NAPG: variants seen among roughly 807,000 people sequenced by gnomAD.
NAPG encodes NSF attachment protein gamma.
A neutral mutation model predicts 48.4 loss-of-function variants in NAPG; 25 were observed. The observed-to-expected ratio is 0.52, with a 90% CI of 0.38 to 0.72. The LOEUF (loss-of-function observed/expected upper bound fraction) is 0.72. Ranked by LOEUF, NAPG falls within the 30% of genes least tolerant of loss-of-function variation. The probability of loss-of-function intolerance (pLI) is 0.00; values close to 1 mark genes in which losing one functional copy is unlikely to be tolerated. For missense variants in NAPG, 359 were observed against 372.5 expected, an observed-to-expected ratio of 0.96 and a Z score of 0.30; for synonymous variants, 139 against 127.2, an observed-to-expected ratio of 1.09 and a Z score of -0.62.
In NAPG at chr18:10,548,571, C is replaced by A. The variant is rs759636825; in HGVS notation, c.665+193C>A. On this transcript the variant is annotated intron_variant, in intron 10 of 11. Coordinates refer to ENST00000322897, the MANE Select transcript of NAPG (RefSeq NM_003826.3). This position sits in a 1 kb window ranked among gnomAD's most constrained non-coding sequence, Gnocchi z 4.4. ...TTTTTTCCCTTTCCTGTATTTTTCT[C>A]TAGGGGACCTCCATGGAAGTGAATG... Among the ~76,000 whole-genome samples the A allele has an allele frequency of 3.2e-4, 46 of 144,652 alleles. No homozygotes were observed. The highest frequency in any genetic ancestry group is 6.1e-4 in the Non-Finnish European group (41 of 66,826). 94.9% of individuals were successfully genotyped at this position (144,652 alleles called of 152,430 possible).
intron 1 of NAPG, 92 bp downstream of exon 1, chr18:10,526,250 G>GGGC: frequency 1.5e-6 from 1 of 686,662 alleles, no homozygotes; most frequent in Non-Finnish European, 2.5e-6. Context: ...GGGAGGGAGG[G>GGGC]CTCAGGGCTG....
At chr18:10,537,021 A>G (rs764920666) in intron 5 of NAPG, among the ~76,000 whole-genome samples, 32 of 151,800 alleles carry the variant, frequency 2.1e-4, no homozygotes, top group Non-Finnish European at 1.0e-4. Flanking sequence ...CAGTGGCACA[A>G]TCATGGCTTA....
chr18:10,532,177 A>G (rs1430725303), intron 2 of NAPG, among the ~76,000 whole-genome samples: 2 of 152,202 alleles, frequency 1.3e-5, no homozygotes, highest in Non-Finnish European at 2.9e-5. Flanking sequence ...ACAGTGAGAC[A>G]TCTTTTTCAT....
intron 1 of NAPG, chr18:10,526,416 T>C (rs7241196): frequency 0.5 from 254,224 of 507,678 alleles, 67,809 homozygotes; most frequent in African/African-American, 0.82. Flanking sequence ...GGGCGGGGAC[T>C]CGGCGCAGTG....
In NAPG at chr18:10,539,890, A is replaced by G. The variant is rs1388256774; in HGVS notation, c.368+19A>G. 1 of 1,612,902 alleles carries G rather than the reference A, an allele frequency of 6.2e-7. No homozygotes were observed. The highest frequency in any genetic ancestry group is 8.5e-7 in the Non-Finnish European group (1 of 1,178,932). On this transcript the variant is annotated intron_variant, in intron 6 of 11. Transcript: ENST00000322897. The surrounding 1 kb of genome is among the most constrained non-coding windows in gnomAD (Gnocchi z 4.7). ...CTGGAAAGTGAGTGTGAGATGGACA[A>G]GTCTCTGCATAGAAGTCTTGTCTTT...
Position 10,546,296 on chromosome 18 carries a change from C to CT in NAPG, c.507-23dup, listed in dbSNP as rs111429422. ...CTCTGCTATAGATCATTTAGACCTG[C>CT]TTTTTTTACATTTCTGTGTTTTGTT... On this transcript the variant is annotated intron_variant, in intron 8 of 11. Transcript: ENST00000322897. The surrounding 1 kb of genome is among the most constrained non-coding windows in gnomAD (Gnocchi z 4.0). 8 of 1,466,068 alleles carry CT rather than the reference C, an allele frequency of 5.5e-6. No homozygotes were observed. Among genetic ancestry groups the CT allele is most frequent in the Admixed American group, 2.0e-5 (1 of 49,604 alleles). 90.8% of individuals were successfully genotyped at this position (1,466,068 alleles called of 1,614,324 possible).
chr18:10,527,329 CAG>C (rs1172799414), intron 1 of NAPG, among the ~76,000 whole-genome samples: 1 of 152,094 alleles, frequency 6.6e-6, no homozygotes, highest in Non-Finnish European at 1.5e-5. Flanking sequence ...AAATGAGACT[CAG>C]GGAAGCCTCA....
chr18:10,531,179 A>G (rs74669942), intron 2 of NAPG, among the ~76,000 whole-genome samples: 3,874 of 152,164 alleles, frequency 0.025, 168 homozygotes, highest in African/African-American at 0.088. Context: ...TATACTTTCT[A>G]TTGAATTAGG....
At chr18:10,526,568 A>G (rs1264915457) in intron 1 of NAPG, 2 of 187,296 alleles carry the variant, frequency 1.1e-5, no homozygotes, top group Non-Finnish European at 2.2e-5. Context: ...ATTTGTGGCA[A>G]CCCAAAATGT....
At chr18:10,530,583 G>A (rs75278811) in intron 1 of NAPG, among the ~76,000 whole-genome samples, 187 bp from the exon 2 acceptor site, 1 of 151,994 alleles carries the variant, frequency 6.6e-6, no homozygotes, top group Non-Finnish European at 1.5e-5. Flanking sequence ...TGTGACAGTG[G>A]GAGTGAAAGA....
intron 1 of NAPG, among the ~76,000 whole-genome samples, chr18:10,529,923 A>G (rs558579172): frequency 1.3e-5 from 2 of 152,318 alleles, no homozygotes; most frequent in African/African-American, 4.8e-5. Flanking sequence ...ATTGAATGAC[A>G]TTTAGAATTT....
Position 10,543,128 on chromosome 18 carries a change from C to A in NAPG, c.506+2729C>A, listed in dbSNP as rs1399467047. Among the ~76,000 whole-genome samples the A allele has an allele frequency of 4.0e-5, 6 of 149,476 alleles. No homozygotes were observed. Among genetic ancestry groups the A allele is most frequent in the Non-Finnish European group, 7.4e-5 (5 of 67,386 alleles). ...AGGAGGCACAGGTTGCAGTGAGACTCCCATCTCAAAAAAAAAAAAAAAGAA... is the reference window on the plus strand; with the variant it reads ...AGGAGGCACAGGTTGCAGTGAGACTACCATCTCAAAAAAAAAAAAAAAGAA... On this transcript the variant is annotated intron_variant, in intron 8 of 11. Transcript: ENST00000322897. The surrounding 1 kb of genome is among the most constrained non-coding windows in gnomAD (Gnocchi z 4.4).
rs565836157 is a variant in NAPG at position 10,536,260 on chromosome 18, G to A, written c.258+1764G>A. On this transcript the variant is annotated intron_variant, in intron 5 of 11. Coordinates refer to ENST00000322897, the MANE Select transcript of NAPG (RefSeq NM_003826.3). ...ATGAAGGAAAATGCTTTCTGGCATT[G>A]TCTTATATTTAAATTAAATGCCTTT... Among the ~76,000 whole-genome samples, 3 of 152,316 alleles carry A rather than the reference G, an allele frequency of 2.0e-5. No individual in the cohort carries two copies. The South Asian group carries it at 6.2e-4, about 32-fold the overall frequency.
chr18:10,535,386 T>C (rs1254663442), intron 5 of NAPG, among the ~76,000 whole-genome samples: 1 of 152,184 alleles, frequency 6.6e-6, no homozygotes, highest in Non-Finnish European at 1.5e-5. Flanking sequence ...ATTCTGTGAG[T>C]CTATCATCGA....
At chr18:10,533,421 T>C in intron 3 of NAPG, 115 bp from the exon 4 acceptor site, 1 of 819,344 alleles carries the variant, frequency 1.2e-6, no homozygotes, top group East Asian at 2.8e-5. Flanking sequence ...GTAGGATTTG[T>C]CTTTTGGAAC....
intron 4 of NAPG, among the ~76,000 whole-genome samples, chr18:10,533,937 G>A (rs781267252): frequency 6.6e-6 from 1 of 152,134 alleles, no homozygotes; most frequent in Non-Finnish European, 1.5e-5. Context: ...TTGAGGTCAG[G>A]AGTTCAAGAC....
At chr18:10,533,758 C>T (rs1159848531) in intron 4 of NAPG, among the ~76,000 whole-genome samples, 1 of 151,976 alleles carries the variant, frequency 6.6e-6, no homozygotes, top group African/African-American at 2.4e-5. Context: ...ATTAAATTTG[C>T]CATAATATTT....
Position 10,532,696 on chromosome 18 carries a change from T to C in NAPG, c.125-15T>C, listed in dbSNP as rs192357128. ...TTTTAATGATGGAAATAGTCAATTT[T>C]TTTTTCTATTTCAGCTGTTGCTTTT... On this transcript the variant is annotated splice_polypyrimidine_tract_variant and intron_variant, in intron 2 of 11. Coordinates refer to ENST00000322897, the MANE Select transcript of NAPG (RefSeq NM_003826.3). 16 of 1,551,354 alleles carry C rather than the reference T, an allele frequency of 1.0e-5. No homozygotes were observed. The African/African-American group carries it at 1.8e-4, about 17-fold the overall frequency.
chr18:10,537,156 G>A (rs866010322), intron 5 of NAPG, among the ~76,000 whole-genome samples: 53 of 151,890 alleles, frequency 3.5e-4, no homozygotes, highest in African/African-American at 1.1e-3. Context: ...ACTGGTTCTC[G>A]CTGTTTTTCC....
Sources: gnomAD v4.1 joint callset for allele counts (sites outside exome capture counted in the v4.1 genomes callset) on GRCh38, gnomAD v4.1.1 for gene constraint, Gnocchi (gnomAD v3.1) non-coding constraint, MANE v1.5 for transcripts, NCBI Gene and HGNC (gene_info 2026-07-23, HGNC 2026-07-21) for gene names.